Variants in LRRK1 observed in about 807,000 individuals in gnomAD.
The protein encoded by LRRK1 is leucine rich repeat kinase 1, also known as leucine-rich repeat serine/threonine-protein kinase 1.
A neutral mutation model predicts 209.1 loss-of-function variants in LRRK1; 113 were observed. The ratio of observed to expected loss-of-function variants is 0.54; its 90% confidence interval spans 0.46 to 0.63. The LOEUF (loss-of-function observed/expected upper bound fraction) is 0.63. Ranked by LOEUF, LRRK1 falls within the 30% of genes least tolerant of loss-of-function variation. The pLI, the probability that LRRK1 is intolerant of heterozygous loss-of-function variation, is 0.00. For synonymous variants in LRRK1, 1,144 were observed against 1,099.7 expected (o/e 1.04, Z -0.80); for missense variants, 2,284 against 2,632.2 (o/e 0.87, Z 2.89).
chr15:100,999,289 T>A lies in LRRK1; in HGVS notation c.763-9548T>A, dbSNP rs183142768. 2.4e-3 allele frequency among the ~76,000 whole-genome samples: 364 copies of A among 152,346 alleles called. 2 individuals carry two copies. The highest frequency in any genetic ancestry group is 8.3e-3 in the African/African-American group (343 of 41,574). On this transcript the variant is annotated intron_variant, in intron 6 of 33. Coordinates refer to ENST00000388948, the MANE Select transcript of LRRK1 (RefSeq NM_024652.6). ...AATGTTGCTTTTTGTTTTAAAAACC[T>A]CTCTACCTGTTTTTTAAGAATTTTA...
intron 2 of LRRK1, among the ~76,000 whole-genome samples, chr15:100,949,562 A>G (rs140118155): frequency 6.6e-6 from 1 of 152,266 alleles, no homozygotes; most frequent in East Asian, 1.9e-4. Flanking sequence ...AAAACCAGAA[A>G]AAGATCTCAC....
chr15:100,970,910 T>G (rs1242730397), intron 2 of LRRK1, among the ~76,000 whole-genome samples: 1 of 152,176 alleles, frequency 6.6e-6, no homozygotes, highest in Non-Finnish European at 1.5e-5. Flanking sequence ...TTGTTACATT[T>G]TTTTCTAAGA....
At chr15:101,037,659 C>T (rs1364435207) in intron 20 of LRRK1, among the ~76,000 whole-genome samples, 2 of 152,166 alleles carry the variant, frequency 1.3e-5, no homozygotes, top group Non-Finnish European at 2.9e-5. Context: ...ATGCCACTCA[C>T]ACCTTAGCCT....
rs185394518 is a variant in LRRK1 at position 100,992,766 on chromosome 15, C to T, written c.762+3368C>T. Among the ~76,000 whole-genome samples, 68 of 152,168 alleles carry T rather than the reference C, an allele frequency of 4.5e-4. 1 individual carries two copies. The East Asian group carries it at 0.012, about 28-fold the overall frequency. ...TCACTGTAACCTCCACCTCCCGGGT[C>T]CAAGCAATTCCCCTGCCTCAGCCTC... On this transcript the variant is annotated intron_variant, in intron 6 of 33. Transcript: ENST00000388948.
At chr15:101,068,624 C>T (rs746020348) in intron 33 of LRRK1, 47 bp from the exon 34 acceptor site, 14 of 1,524,722 alleles carry the variant, frequency 9.2e-6, no homozygotes, top group African/African-American at 6.9e-5. Context: ...CAACCCCACC[C>T]GAGTGGGAAC....
At chr15:100,929,706 G>A (rs1404599950) in intron 2 of LRRK1, among the ~76,000 whole-genome samples, 1 of 152,204 alleles carries the variant, frequency 6.6e-6, no homozygotes, top group Non-Finnish European at 1.5e-5. Context: ...CTGCCTGAAC[G>A]TGCTGGGCTG....
At chr15:100,972,363 A>AGAGAGTGTGTGTGTGT (rs1176201849) in intron 2 of LRRK1, among the ~76,000 whole-genome samples, 9 of 98,496 alleles carry the variant, frequency 9.1e-5, no homozygotes, top group African/African-American at 4.0e-4. Context: ...AGAGAGAGAG[A>AGAGAGTGTGTGTGTGT]GTGTGTGTGT....
At chr15:101,063,840 C>A (rs929709972) in intron 31 of LRRK1, among the ~76,000 whole-genome samples, 1 of 151,864 alleles carries the variant, frequency 6.6e-6, no homozygotes, top group African/African-American at 2.4e-5. Context: ...ATGAAATGAA[C>A]CTTAGAGTCA....
At chr15:100,962,812 TATATATATATA>T (rs1187684378) in intron 2 of LRRK1, among the ~76,000 whole-genome samples, 8 of 31,666 alleles carry the variant, frequency 2.5e-4, no homozygotes, top group African/African-American at 7.3e-4. Context: ...TATATATATA[TATATATATATA>T]TTTTTTTTTT....
At chr15:100,944,200 T>C (rs2042496042) in intron 2 of LRRK1, among the ~76,000 whole-genome samples, 1 of 152,148 alleles carries the variant, frequency 6.6e-6, no homozygotes, top group Admixed American at 6.5e-5. Flanking sequence ...AGGAGACCTA[T>C]TGTTGTTCAG....
chr15:100,972,363 A>AGAGAGAGAGAGTGTGTGTGTGT (rs1176201849), intron 2 of LRRK1, among the ~76,000 whole-genome samples: 38 of 98,484 alleles, frequency 3.9e-4, no homozygotes, highest in South Asian at 2.4e-3. Context: ...AGAGAGAGAG[A>AGAGAGAGAGAGTGTGTGTGTGT]GTGTGTGTGT....
At chr15:100,941,446 C>CTCTGTGTGTGTCTGTGTGTG (rs2042428463) in intron 2 of LRRK1, among the ~76,000 whole-genome samples, 1 of 72,526 alleles carries the variant, frequency 1.4e-5, no homozygotes, top group African/African-American at 7.8e-5. Context: ...GTGTGTGTGT[C>CTCTGTGTGTGTCTGTGTGTG]TGTGTGTGTC....
In LRRK1 at chr15:100,988,647, C is replaced by G; in HGVS notation, c.447C>G (p.Pro149=). 6.2e-7 allele frequency: 1 copy of G among 1,614,194 alleles called. No individual in the cohort carries two copies. The highest frequency in any genetic ancestry group is 1.1e-5 in the South Asian group (1 of 91,086). Residue 149 remains proline, a synonymous_variant, in exon 5 of 34, where the codon CCC becomes CCG. Coordinates refer to ENST00000388948, the MANE Select transcript of LRRK1 (RefSeq NM_024652.6). Reference sequence around the variant, plus strand: ...ATCTCCTGCCAGGTCCCTGCAGTCCCCAGCGGCTTCTGAACTGGATGCTGG... The same window carrying G: ...ATCTCCTGCCAGGTCCCTGCAGTCCGCAGCGGCTTCTGAACTGGATGCTGG... ...LLESLPGPCS[P]QRLLNWMLAL...
At chr15:101,030,160 C>T (rs376624245) in intron 20 of LRRK1, among the ~76,000 whole-genome samples, 17 of 152,150 alleles carry the variant, frequency 1.1e-4, no homozygotes, top group Admixed American at 5.9e-4. Context: ...CAGCACCTGC[C>T]GCTCCTCATG....
chr15:101,052,839 G>A lies in LRRK1; in HGVS notation c.3690-83G>A, dbSNP rs559428764. ...CAGATGGCTTTGAACCATGACTCTC[G>A]GCCGTTGGGGCAAATGACCCAGCCC... On this transcript the variant is annotated intron_variant, in intron 24 of 33. Transcript: ENST00000388948. 9.1e-5 allele frequency: 134 copies of A among 1,476,350 alleles called. 3 individuals are homozygous for A. In the South Asian group the frequency reaches 1.2e-3, roughly 14 times the overall value. 91.5% of individuals were successfully genotyped at this position (1,476,350 alleles called of 1,614,324 possible). A position where few individuals can be genotyped will look rare whatever the true frequency, so the allele number is the denominator to read the frequency against.
chr15:100,965,523 T>C (rs6598404), intron 2 of LRRK1, among the ~76,000 whole-genome samples: 144,280 of 152,294 alleles, frequency 0.95, 68,361 homozygotes, highest in East Asian at 1. Flanking sequence ...ACCAGAAATA[T>C]GTTCACTTAC....
rs768897585 is a variant in LRRK1, at chr15:100,983,692, C to T, written c.426C>T (p.Ser142=). The T allele has an allele frequency of 5.0e-6, 8 of 1,609,262 alleles. No individual in the cohort carries two copies. Residue 142 remains serine (S), a synonymous_variant, in exon 4 of 34, where the codon TCC becomes TCT. Transcript: ENST00000388948. ...CAGTTGTGCAGGAATTGCTTGAGTC[C>T]TTACCAGGTAAATCACAGGGCATGA... The part of the protein sequence containing the change: ...HTAVVQELLE[S]LPGPCSPQRL...
In LRRK1 at chr15:101,064,082, G is replaced by A. The variant is rs1182091681; in HGVS notation, c.4915-1270G>A. Reference sequence around the variant, plus strand: ...GCGCGAAGCCTGCATTCTTGCACGCGCACCCACGTTCACACCCAGCCGGGA... The same window carrying A: ...GCGCGAAGCCTGCATTCTTGCACGCACACCCACGTTCACACCCAGCCGGGA... On this transcript the variant is annotated intron_variant, in intron 31 of 33. Transcript: ENST00000388948. Among the ~76,000 whole-genome samples, 3 of 152,242 alleles carry A rather than the reference G, an allele frequency of 2.0e-5. No individual in the cohort carries two copies. In the East Asian group the frequency reaches 5.8e-4, roughly 29 times the overall value.
chr15:101,018,567 A>G (rs568089529), intron 12 of LRRK1, among the ~76,000 whole-genome samples: 17 of 152,238 alleles, frequency 1.1e-4, no homozygotes, highest in African/African-American at 4.1e-4. Flanking sequence ...AGGAGTGTGC[A>G]AGGAAGTGGG....
Sources: allele counts gnomAD v4.1 joint callset (sites outside exome capture counted in the v4.1 genomes callset), GRCh38; gene constraint gnomAD v4.1.1; transcripts MANE v1.5; gene names NCBI Gene and HGNC (gene_info 2026-07-23, HGNC 2026-07-21).